RNF212: variants seen among roughly 807,000 people sequenced by gnomAD.
The protein encoded by RNF212 is ring finger protein 212.
A neutral mutation model predicts 34.7 loss-of-function variants in RNF212; 33 were observed. The ratio of observed to expected loss-of-function variants is 0.95; its 90% CI spans 0.72 to 1.27. The LOEUF is 1.27. Ranked by LOEUF, RNF212 falls within the 50% of genes most tolerant of loss-of-function variation. The probability of loss-of-function intolerance (pLI) is 0.00; values close to 1 mark genes in which losing one functional copy is unlikely to be tolerated. For synonymous variants in RNF212, 140 were observed against 136.1 expected (o/e 1.03, Z -0.20); for missense variants, 377 against 362.2 (o/e 1.04, Z -0.33).
chr4:1,081,980 G>T, intron 5 of RNF212: 1 of 306,038 alleles, frequency 3.3e-6, no homozygotes, highest in Non-Finnish European at 6.3e-6. Flanking sequence ...GCCAGCCATG[G>T]TGCCTCATGT....
intron 3 of RNF212, among the ~76,000 whole-genome samples, chr4:1,063,602 G>A (rs1476872001): frequency 1.3e-5 from 2 of 151,838 alleles, no homozygotes; most frequent in East Asian, 1.9e-4. Context: ...TCAGGAGGCT[G>A]AGGCAGGAGA....
intron 1 of RNF212, among the ~76,000 whole-genome samples, chr4:1,112,356 C>T (rs905991432): frequency 6.6e-6 from 1 of 152,174 alleles, no homozygotes; most frequent in African/African-American, 2.4e-5. Flanking sequence ...GCACAGCTGG[C>T]GTCCCCTGGG....
rs1719974584 is a variant in RNF212 at position 1,079,499 on chromosome 4, C to T, written c.510+144G>A. 38 of 699,764 alleles carry T rather than the reference C, an allele frequency of 5.4e-5. No homozygotes were observed. The South Asian group carries it at 6.0e-4, about 11-fold the overall frequency. 43.3% of individuals were successfully genotyped at this position (699,764 alleles called of 1,614,324 possible). A position where few individuals can be genotyped will look rare whatever the true frequency, so the allele number is the denominator to read the frequency against. On this transcript the variant is annotated intron_variant, in intron 8 of 9. Coordinates refer to ENST00000433731, the MANE Select transcript of RNF212 (RefSeq NM_001131034.4). ...TTATAGCCACAGCCCACCCCTCTCA[C>T]CCACGGGACCAGCACACGAAGCAGC...
intron 9 of RNF212, 121 bp downstream of exon 9, chr4:1,073,478 C>T (rs1577644607): frequency 1.2e-6 from 1 of 812,554 alleles, no homozygotes; most frequent in Non-Finnish European, 2.1e-6. Context: ...TCCCATGCAC[C>T]GGGTGGAAGG....
chr4:1,073,482 T>C, intron 9 of RNF212, 117 bp downstream of exon 9: 1 of 844,210 alleles, frequency 1.2e-6, no homozygotes, highest in South Asian at 1.5e-5. Context: ...ATGCACCGGG[T>C]GGAAGGACAG....
intron 2 of RNF212, among the ~76,000 whole-genome samples, chr4:1,102,579 A>G (rs6839147): frequency 0.81 from 123,508 of 151,546 alleles, 51,972 homozygotes; most frequent in East Asian, 1. Flanking sequence ...AATACAAAAA[A>G]AAAACACAAA....
intron 7 of RNF212, among the ~76,000 whole-genome samples, chr4:1,080,118 C>T (rs916838719): frequency 3.9e-5 from 6 of 152,238 alleles, no homozygotes; most frequent in African/African-American, 1.2e-4. Flanking sequence ...ACACCGTGCA[C>T]GCTCGGTACG....
chr4:1,111,046 C>T (rs1725576921), intron 1 of RNF212, among the ~76,000 whole-genome samples: 1 of 152,198 alleles, frequency 6.6e-6, no homozygotes, highest in Admixed American at 6.5e-5. Context: ...ACCACGAAGG[C>T]ACACGCGTCT....
At chr4:1,112,590 T>C (rs1577859170) in intron 1 of RNF212, among the ~76,000 whole-genome samples, 1 of 151,856 alleles carries the variant, frequency 6.6e-6, no homozygotes, top group South Asian at 2.1e-4. Flanking sequence ...GGCGTTAAGG[T>C]TGCCGCCTGC....
chr4:1,056,820 G>C (rs1717353992), intron 4 of RNF212: 2 of 986,808 alleles, frequency 2.0e-6, no homozygotes, highest in Non-Finnish European at 2.4e-6. Context: ...TTCTTCCTGA[G>C]GCTGGCTGAG....
intron 3 of RNF212, among the ~76,000 whole-genome samples, chr4:1,063,891 A>C (rs6814833): frequency 0.81 from 122,377 of 150,884 alleles, 50,342 homozygotes; most frequent in African/African-American, 0.94. Context: ...AATGAAAAAA[A>C]CCAATATTAA....
At position 1,085,903 on chromosome 4, in the gene RNF212, G is replaced by A. The variant is rs763245281; in HGVS notation, c.355C>T (p.Leu119=). 15 of 1,611,846 alleles carry A rather than the reference G, an allele frequency of 9.3e-6. No individual in the cohort carries two copies. The Admixed American group carries it at 2.3e-4, about 25-fold the overall frequency. Reference sequence around the variant, plus strand: ...GGGGGTGGGGCGCCTTACCTTTGTAGTTGTTCTATCTGCAGCACTGACTTC... The same window carrying A: ...GGGGGTGGGGCGCCTTACCTTTGTAATTGTTCTATCTGCAGCACTGACTTC... The part of the protein sequence containing the change: ...LRKSVLQIEQ[L]QSMRSSQQTA... Residue 119 remains leucine (L), a synonymous_variant, in exon 5 of 10, where the codon CTA becomes TTA. Transcript: ENST00000433731.
rs777405762 is a variant in RNF212 at position 1,113,339 on chromosome 4, G to C, written c.109+17C>G. 42 of 1,448,982 alleles carry C rather than the reference G, an allele frequency of 2.9e-5. No homozygotes were observed. Among genetic ancestry groups the C allele is most frequent in the Non-Finnish European group, 3.6e-5 (39 of 1,093,966 alleles). The allele number at this position is 1,448,982 out of a possible 1,614,324, so 89.8% of individuals were successfully genotyped here. On this transcript the variant is annotated intron_variant, in intron 1 of 9. Transcript: ENST00000433731. Reference sequence around the variant, plus strand: ...CGCTCCCCTCCCCTCTCCAGCCTGCGTTCGGGAAGCCCTGACCTTTGCCGA... The same window carrying C: ...CGCTCCCCTCCCCTCTCCAGCCTGCCTTCGGGAAGCCCTGACCTTTGCCGA...
At chr4:1,062,064 T>C (rs1717787254) in intron 3 of RNF212, among the ~76,000 whole-genome samples, 1 of 152,118 alleles carries the variant, frequency 6.6e-6, no homozygotes, top group Non-Finnish European at 1.5e-5. Flanking sequence ...CACAGGGCTT[T>C]CAACACAAAA....
intron 3 of RNF212, among the ~76,000 whole-genome samples, chr4:1,059,954 C>T (rs931556312): frequency 6.6e-6 from 1 of 151,666 alleles, no homozygotes; most frequent in Non-Finnish European, 1.5e-5. Context: ...ATTAGCCAGG[C>T]GTGGTGGCGC....
rs760474654 is a variant in RNF212 at position 1,079,662 on chromosome 4, G to A, written c.491C>T (p.Ser164Phe). 6.2e-7 allele frequency: 1 copy of A among 1,611,138 alleles called. No individual in the cohort carries two copies. The part of the protein sequence containing the change: ...DRLESMEVDL[S>F]PSPIRKSEIA... ...ACTTACTTTTCTAATCGGAGAAGGA[G>A]AGAGATCAACTTCCATCGACTCCAG... The change falls in exon 8 of 10, where the codon TCT becomes TTT. Residue 164 changes from serine to phenylalanine, a missense_variant. Coordinates refer to ENST00000433731, the MANE Select transcript of RNF212 (RefSeq NM_001131034.4).
At chr4:1,067,932 A>C (rs1268090741), downstream of RNF212, among the ~76,000 whole-genome samples, 1 of 152,174 alleles carries the variant, frequency 6.6e-6, no homozygotes, top group African/African-American at 2.4e-5. Flanking sequence ...AGGCCTGTAC[A>C]GTGAAAATTG....
downstream of RNF212, among the ~76,000 whole-genome samples, chr4:1,069,824 AAATGTTCC>A (rs1234982078): frequency 1.3e-5 from 2 of 152,260 alleles, no homozygotes; most frequent in Non-Finnish European, 2.9e-5. Context: ...AAGTATGAAG[AAATGTTCC>A]AGTCCAGAGG....
At chr4:1,091,051 T>G (rs1722115005) in intron 3 of RNF212, among the ~76,000 whole-genome samples, 1 of 152,164 alleles carries the variant, frequency 6.6e-6, no homozygotes, top group Non-Finnish European at 1.5e-5. Flanking sequence ...GATAGGAAAG[T>G]CTCCCCAGCA....
Sources: gnomAD v4.1 joint callset for allele counts (sites outside exome capture counted in the v4.1 genomes callset) on GRCh38, gnomAD v4.1.1 for gene constraint, MANE v1.5 for transcripts, NCBI Gene and HGNC (gene_info 2026-07-23, HGNC 2026-07-21) for gene names.